The following KNL1 variants were observed in gnomAD, a reference collection of about 807,000 sequenced individuals.
The protein encoded by KNL1 is kinetochore scaffold 1.
Under a neutral mutation model 201.3 loss-of-function variants are expected in KNL1, and 66 were observed. The observed-to-expected ratio is 0.33, with a 90% CI of 0.27 to 0.40. The LOEUF is 0.40. Ranked by LOEUF, KNL1 falls within the 10% of genes least tolerant of loss-of-function variation. KNL1 has a pLI of 1.00. For missense variants in KNL1, 2,815 were observed against 2,690.5 expected (o/e 1.05, Z -1.02); for synonymous variants, 895 against 899.2 (o/e 1.00, Z 0.08).
intron 1 of KNL1, among the ~76,000 whole-genome samples, chr15:40,597,601 A>G (rs1891657722): frequency 6.6e-6 from 1 of 152,208 alleles, no homozygotes; most frequent in Admixed American, 6.5e-5. Context: ...TAATGTGTCA[A>G]TAATCAAGAG....
Position 40,621,742 on chromosome 15 carries a change from C to G in KNL1, c.1478C>G (p.Ala493Gly), listed in dbSNP as rs200456157. ...NMDITKSHTV[A>G]IDNQIFKQDQ... ...GACATTACCAAGAGTCATACAGTTG[C>G]AATAGATAATCAAATTTTTAAACAA... The change falls in exon 10 of 26, where the codon GCA (alanine) becomes GGA (glycine). Residue 493 changes from alanine (A) to glycine (G), a missense_variant. Physicochemically the swap from Ala to Gly is moderately conservative, Grantham distance 60. Transcript: ENST00000399668. 30 of 1,613,478 alleles carry G rather than the reference C, an allele frequency of 1.9e-5. No individual in the cohort carries two copies. Among genetic ancestry groups the G allele is most frequent in the South Asian group, 1.2e-4 (11 of 91,046 alleles).
At chr15:40,641,160 G>A in intron 14 of KNL1, 133 bp downstream of exon 14, 1 of 577,904 alleles carries the variant, frequency 1.7e-6, no homozygotes, top group South Asian at 2.1e-5. Flanking sequence ...GTGTGATGTG[G>A]GAGAAAGAGC....
At chr15:40,637,164 C>G (rs1005176201) in intron 13 of KNL1, among the ~76,000 whole-genome samples, 1 of 135,194 alleles carries the variant, frequency 7.4e-6, no homozygotes, top group African/African-American at 2.7e-5. Flanking sequence ...CTCTCTTTTT[C>G]TTTTTTCTTT....
Position 40,643,518 on chromosome 15 carries a change from G to A in KNL1, c.5799-1479G>A, listed in dbSNP as rs1343598229. ...AAATTAGCTGGGCGTGGTGGCACGC[G>A]CCTGTAGTCCTAGCTACTCGGGAGG... On this transcript the variant is annotated intron_variant, in intron 14 of 25. Coordinates refer to ENST00000399668, the MANE Select transcript of KNL1 (RefSeq NM_144508.5). Among the ~76,000 whole-genome samples the A allele has an allele frequency of 2.0e-5, 3 of 152,106 alleles. No individual in the cohort carries two copies. In the South Asian group the frequency reaches 6.2e-4, roughly 32 times the overall value.
In KNL1 at chr15:40,620,856, G is replaced by A; in HGVS notation, c.592G>A (p.Glu198Lys). The change falls in exon 10 of 26, where the codon GAA becomes AAA. Residue 198 changes from glutamate to lysine, a missense_variant. This residue lies in a region of KNL1 where 2,464 missense variants were observed against 2,291.7 expected (regional missense o/e 1.08). Transcript: ENST00000399668. ...LHTEDSRMKK[E>K]VNFSVDQNTS... ...CACCGAGGACTCAAGAATGAAAAAA[G>A]AAGTAAATTTTTCCGTGGATCAAAA... The A allele has an allele frequency of 1.9e-6, 3 of 1,591,528 alleles. No homozygotes were observed. Among genetic ancestry groups the A allele is most frequent in the Non-Finnish European group, 2.6e-6 (3 of 1,172,168 alleles).
At chr15:40,629,401 C>CTTTG in intron 13 of KNL1, 30 bp downstream of exon 13, 4 of 1,359,820 alleles carry the variant, frequency 2.9e-6, no homozygotes, top group Non-Finnish European at 3.0e-6. Flanking sequence ...AAAATGTTTG[C>CTTTG]ATCAAAGCAA....
intron 21 of KNL1, among the ~76,000 whole-genome samples, chr15:40,652,455 C>CTTTTTTTTTT (rs35374662): frequency 8.3e-6 from 1 of 120,066 alleles, no homozygotes; most frequent in Non-Finnish European, 1.8e-5. Flanking sequence ...GCTGGAGATT[C>CTTTTTTTTTT]TTTTTTTTTT....
intron 8 of KNL1, among the ~76,000 whole-genome samples, chr15:40,616,291 T>A (rs1892343671): frequency 6.7e-6 from 1 of 150,052 alleles, no homozygotes; most frequent in Admixed American, 6.6e-5. Flanking sequence ...ACCCAGCTAA[T>A]TTTTTTTGTA....
rs2141773763 is a variant in KNL1 at position 40,662,530 on chromosome 15, C to T, written c.*342C>T. The T allele has an allele frequency of 4.2e-6, 1 of 235,708 alleles. No homozygotes were observed. Among genetic ancestry groups the T allele is most frequent in the Middle Eastern group, 1.3e-3 (1 of 790 alleles). 14.6% of individuals were successfully genotyped at this position (235,708 alleles called of 1,614,324 possible). On this transcript the variant is annotated 3_prime_UTR_variant, in exon 26 of 26. Transcript: ENST00000399668. ...TAAGAAGTGTTATCACTGACAAGAACATTAGCCATTTTCCCATAACTAGAT... is the reference window on the plus strand; with the variant it reads ...TAAGAAGTGTTATCACTGACAAGAATATTAGCCATTTTCCCATAACTAGAT...
chr15:40,625,456 T>C lies in KNL1; in HGVS notation c.5192T>C (p.Ile1731Thr), dbSNP rs754824972. ...DEINSSDSIN[I>T]ETEEKALIET... is the part of the protein sequence containing the mutation. ...ATCAATTCTTCAGACTCTATTAACATAGAAACTGAGGAAAAGGCCTTGATT... is the reference window on the plus strand; with the variant it reads ...ATCAATTCTTCAGACTCTATTAACACAGAAACTGAGGAAAAGGCCTTGATT... Residue 1731 changes from isoleucine (I) to threonine (T), a missense_variant, in exon 10 of 26, where the codon ATA (isoleucine) becomes ACA (threonine). Physicochemically the swap from Ile to Thr is moderately conservative, Grantham distance 89 (BLOSUM62 -1). This residue lies in a region of KNL1 where 2,464 missense variants were observed against 2,291.7 expected (regional missense o/e 1.08). Coordinates refer to ENST00000399668, the MANE Select transcript of KNL1 (RefSeq NM_144508.5). 2.0e-5 allele frequency: 32 copies of C among 1,613,620 alleles called. No homozygotes were observed. Among genetic ancestry groups the C allele is most frequent in the Non-Finnish European group, 2.7e-5 (32 of 1,179,948 alleles).
intron 19 of KNL1, 94 bp from the exon 20 acceptor site, chr15:40,651,377 T>G: frequency 1.5e-6 from 1 of 656,426 alleles, no homozygotes; most frequent in Non-Finnish European, 2.5e-6. Flanking sequence ...GGGAGTCATG[T>G]AGCATGTGAC....
chr15:40,601,859 CTTTTTTTTT>C (rs36046773), intron 1 of KNL1, among the ~76,000 whole-genome samples: 67 of 64,632 alleles, frequency 1.0e-3, no homozygotes, highest in Non-Finnish European at 1.4e-3. Context: ...AAAAATGCAT[CTTTTTTTTT>C]TTTTTTTTTT....
chr15:40,639,853 T>A (rs868598863), intron 13 of KNL1, among the ~76,000 whole-genome samples: 1 of 151,148 alleles, frequency 6.6e-6, no homozygotes, highest in Non-Finnish European at 1.5e-5. Context: ...GGCAGGAGAA[T>A]CACTTGAGGC....
chr15:40,602,605 G>C (rs1891844481), intron 1 of KNL1, among the ~76,000 whole-genome samples: 1 of 146,812 alleles, frequency 6.8e-6, no homozygotes, highest in African/African-American at 2.5e-5. Context: ...TCCTACCTCA[G>C]CCTCCCAAAT....
At chr15:40,610,171 C>T (rs1308524191) in intron 5 of KNL1, 74 bp from the exon 6 acceptor site, 5 of 827,728 alleles carry the variant, frequency 6.0e-6, no homozygotes, top group East Asian at 2.5e-5. Context: ...TATCTCAACA[C>T]AGACTATAAA....
intron 1 of KNL1, among the ~76,000 whole-genome samples, chr15:40,600,317 C>T (rs929504466): frequency 6.6e-6 from 1 of 152,208 alleles, no homozygotes; most frequent in Non-Finnish European, 1.5e-5. Context: ...TGAGGTGATC[C>T]ATCCACCTTG....
intron 1 of KNL1, among the ~76,000 whole-genome samples, chr15:40,596,684 T>G (rs1891629041): frequency 6.6e-6 from 1 of 151,976 alleles, no homozygotes; most frequent in South Asian, 2.1e-4. Flanking sequence ...CACCCTCATT[T>G]CCTGTAGTAC....
At chr15:40,648,856 A>G (rs1298969454) in intron 17 of KNL1, among the ~76,000 whole-genome samples, 2 of 108,318 alleles carry the variant, frequency 1.8e-5, no homozygotes, top group Non-Finnish European at 3.6e-5. Flanking sequence ...TTGAGATGGT[A>G]TTTCACTGTC....
intron 14 of KNL1, 108 bp from the exon 15 acceptor site, chr15:40,644,877 TTCAAAGTACAGG>T: frequency 1.7e-6 from 1 of 581,136 alleles, no homozygotes; most frequent in South Asian, 2.2e-5. Flanking sequence ...AAAACAGTTG[TTCAAAGTACAGG>T]TCTTTTTCCA....
Sources: gnomAD v4.1 joint callset for allele counts (sites outside exome capture counted in the v4.1 genomes callset) on GRCh38, gnomAD v4.1.1 for gene constraint, gnomAD v4.1.1 regional missense constraint, MANE v1.5 for transcripts, NCBI Gene and HGNC (gene_info 2026-07-23, HGNC 2026-07-21) for gene names.